The following COG3 variants were observed in gnomAD, a reference collection of about 807,000 sequenced individuals.
COG3 encodes the protein component of oligomeric golgi complex 3, also known as conserved oligomeric Golgi complex subunit 3.
A neutral mutation model predicts 114.1 loss-of-function variants in COG3; 32 were observed. The observed-to-expected ratio is 0.28, with a 90% CI of 0.21 to 0.38. The LOEUF is 0.38. COG3 is among the 10% of genes least tolerant of loss of function. The probability of loss-of-function intolerance (pLI) is 1.00; values close to 1 mark genes in which losing one functional copy is unlikely to be tolerated. For synonymous variants in COG3, 352 were observed against 365.7 expected, an observed-to-expected ratio of 0.96 and a Z score of 0.43; for missense variants, 813 against 973.2, an observed-to-expected ratio of 0.84 and a Z score of 2.19.
intron 1 of COG3, among the ~76,000 whole-genome samples, chr13:45,471,197 AG>A (rs1306571364): frequency 2.0e-5 from 3 of 152,072 alleles, no homozygotes; most frequent in Non-Finnish European, 4.4e-5. Flanking sequence ...TGAGCTCAGG[AG>A]TTCAAGAATA....
At chr13:45,479,175 T>A in intron 3 of COG3, 109 bp downstream of exon 3, 1 of 741,712 alleles carries the variant, frequency 1.3e-6, no homozygotes. Context: ...AAGAAAACTG[T>A]AACAGCCATA....
At chr13:45,488,646 T>A (rs1240873902) in intron 8 of COG3, among the ~76,000 whole-genome samples, 1 of 152,130 alleles carries the variant, frequency 6.6e-6, no homozygotes, top group Admixed American at 6.5e-5. Context: ...ATTGGTAGGA[T>A]ATTTCATGAG....
At chr13:45,526,607 CT>C (rs892351348) in intron 20 of COG3, among the ~76,000 whole-genome samples, 1 of 152,138 alleles carries the variant, frequency 6.6e-6, no homozygotes, top group Non-Finnish European at 1.5e-5. Flanking sequence ...TTGTGACATA[CT>C]TTAGGTGTTT....
rs111983003 is a variant in COG3, at chr13:45,490,337, A to G, written c.925-578A>G. ...GTAGGTGTTATTACACCAGTTTTATACAGTAGGGAGTGGAATCTCAGAAGT... is the reference window on the plus strand; with the variant it reads ...GTAGGTGTTATTACACCAGTTTTATGCAGTAGGGAGTGGAATCTCAGAAGT... On this transcript the variant is annotated intron_variant, in intron 8 of 22. Coordinates refer to ENST00000349995, the MANE Select transcript of COG3 (RefSeq NM_031431.4). 5.7e-3 allele frequency among the ~76,000 whole-genome samples: 867 copies of G among 152,322 alleles called. 7 individuals carry two copies. The highest frequency in any genetic ancestry group is 0.02 in the African/African-American group (825 of 41,562).
At chr13:45,532,461 A>G (rs1474835348) in intron 22 of COG3, among the ~76,000 whole-genome samples, 5 of 151,080 alleles carry the variant, frequency 3.3e-5, no homozygotes, top group Admixed American at 1.3e-4. Context: ...AACAAGGTGC[A>G]TTTGGAGAAG....
intron 20 of COG3, among the ~76,000 whole-genome samples, chr13:45,528,046 A>G (rs892024005): frequency 2.0e-5 from 3 of 152,180 alleles, no homozygotes; most frequent in Non-Finnish European, 4.4e-5. Context: ...TTTACTAAAC[A>G]CACCCAGGCC....
At chr13:45,483,466 A>G (rs1170461068) in intron 7 of COG3, 111 bp downstream of exon 7, 36 of 758,980 alleles carry the variant, frequency 4.7e-5, no homozygotes, top group Non-Finnish European at 6.9e-5. Flanking sequence ...AAAAATTTTA[A>G]CCTTTTGTTA....
At position 45,512,848 on chromosome 13, in the gene COG3, C is replaced by T. The variant is rs560702581; in HGVS notation, c.1809+994C>T. Among the ~76,000 whole-genome samples the T allele has an allele frequency of 1.5e-3, 222 of 152,234 alleles. 2 individuals are homozygous for T. Among genetic ancestry groups the T allele is most frequent in the African/African-American group, 4.5e-3 (188 of 41,542 alleles). ...CAGGCTGGTCTCAAATTCCTGGGCT[C>T]AAATGATCCTCTTGACTCAGCCTTC... is the stretch of plus-strand genomic sequence containing the variant. On this transcript the variant is annotated intron_variant, in intron 16 of 22. Coordinates refer to ENST00000349995, the MANE Select transcript of COG3 (RefSeq NM_031431.4).
At chr13:45,500,338 G>A (rs1030619518) in intron 13 of COG3, among the ~76,000 whole-genome samples, 2 of 151,974 alleles carry the variant, frequency 1.3e-5, no homozygotes, top group African/African-American at 4.8e-5. Flanking sequence ...GTTTATATAA[G>A]GAGTGCTGTA....
intron 19 of COG3, among the ~76,000 whole-genome samples, chr13:45,523,149 GTT>G (rs68132374): frequency 0.048 from 6,906 of 143,368 alleles, 487 homozygotes; most frequent in African/African-American, 0.16. Context: ...GCTTAAAAGT[GTT>G]TTTTTTTTTT....
chr13:45,504,850 T>G (rs904270935), intron 14 of COG3, among the ~76,000 whole-genome samples: 2 of 152,168 alleles, frequency 1.3e-5, no homozygotes, highest in African/African-American at 4.8e-5. Flanking sequence ...GCCATAATTG[T>G]GTAAGATTCA....
chr13:45,509,440 A>T (rs1870613378), intron 14 of COG3, among the ~76,000 whole-genome samples: 1 of 152,172 alleles, frequency 6.6e-6, no homozygotes. Flanking sequence ...ACTTGGGTTG[A>T]GCATATATAT....
intron 17 of COG3, among the ~76,000 whole-genome samples, chr13:45,516,504 C>T (rs895201103): frequency 2.6e-5 from 4 of 152,226 alleles, no homozygotes; most frequent in African/African-American, 9.7e-5. Flanking sequence ...CTCATTTAGA[C>T]TCTGCCACAT....
At chr13:45,492,015 A>AAACC (rs1466893439) in intron 10 of COG3, 144 bp from the exon 11 acceptor site, 1 of 519,534 alleles carries the variant, frequency 1.9e-6, no homozygotes, top group Non-Finnish European at 3.4e-6. Flanking sequence ...CATCTATCGA[A>AAACC]AACCAACCAT....
intron 14 of COG3, among the ~76,000 whole-genome samples, chr13:45,507,148 G>A (rs764039137): frequency 3.9e-5 from 6 of 152,228 alleles, no homozygotes; most frequent in South Asian, 2.1e-4. Flanking sequence ...GCTGACTTCT[G>A]GCTTTAAAGT....
chr13:45,468,275 G>A (rs1394772259), intron 1 of COG3, among the ~76,000 whole-genome samples: 1 of 152,178 alleles, frequency 6.6e-6, no homozygotes, highest in African/African-American at 2.4e-5. Flanking sequence ...AACTCATGAT[G>A]AGTACTTATC....
intron 1 of COG3, among the ~76,000 whole-genome samples, chr13:45,473,553 T>C (rs1230439535): frequency 6.6e-6 from 1 of 152,216 alleles, no homozygotes; most frequent in Non-Finnish European, 1.5e-5. Flanking sequence ...TAATAAAATA[T>C]AATTTTGTAA....
intron 1 of COG3, among the ~76,000 whole-genome samples, chr13:45,473,164 C>T (rs546093507): frequency 6.6e-6 from 1 of 152,214 alleles, no homozygotes; most frequent in Non-Finnish European, 1.5e-5. Flanking sequence ...CCACTGCACC[C>T]GGCCTGTTTC....
intron 13 of COG3, among the ~76,000 whole-genome samples, chr13:45,496,538 A>G (rs752584970): frequency 1.3e-5 from 2 of 152,068 alleles, no homozygotes; most frequent in African/African-American, 4.8e-5. Flanking sequence ...TTTACTAGTT[A>G]AAATGGGATT....
Sources: gnomAD v4.1 joint callset for allele counts (sites outside exome capture counted in the v4.1 genomes callset) on GRCh38, gnomAD v4.1.1 for gene constraint, MANE v1.5 for transcripts, NCBI Gene and HGNC (gene_info 2026-07-23, HGNC 2026-07-21) for gene names.